The following PTH2R variants were observed in gnomAD, a reference collection of about 807,000 sequenced individuals.
The protein encoded by PTH2R is parathyroid hormone 2 receptor.
PTH2R carries 59 observed loss-of-function variants against 60.3 expected under a neutral mutation model. That is an observed-to-expected ratio of 0.98 (90% confidence interval 0.79 to 1.22). PTH2R has a LOEUF of 1.22. Ranked by LOEUF, PTH2R falls within the 50% of genes most tolerant of loss-of-function variation. PTH2R has a pLI of 0.00. For missense variants in PTH2R, 749 were observed against 682.6 expected (o/e 1.10, Z -1.08); for synonymous variants, 256 against 243.8 (o/e 1.05, Z -0.47).
At chr2:208,475,726 T>A (rs1702987006) in intron 9 of PTH2R, among the ~76,000 whole-genome samples, 1 of 152,152 alleles carries the variant, frequency 6.6e-6, no homozygotes, top group Non-Finnish European at 1.5e-5. Flanking sequence ...TATGGGGCAG[T>A]GGAGATTCTT....
In PTH2R at chr2:208,399,643, A is replaced by C. The variant is rs1004886016; in HGVS notation, c.-258-28558A>C. Among the ~76,000 whole-genome samples the C allele has an allele frequency of 6.6e-5, 10 of 152,260 alleles. No individual in the cohort carries two copies. The South Asian group carries it at 2.1e-3, about 32-fold the overall frequency. On this transcript the variant is annotated intron_variant, in intron 1 of 12. Coordinates refer to the PTH2R transcript ENST00000617735. ...AGTGCATCTGTGTGACTCCACTGGG[A>C]GAAGACCCCTGGAAGCTTGTTCCTG...
chr2:208,364,200 A>G (rs543532362), intron 1 of PTH2R, among the ~76,000 whole-genome samples: 17 of 152,278 alleles, frequency 1.1e-4, no homozygotes, highest in East Asian at 7.7e-4. Flanking sequence ...GTGTCCTTCA[A>G]TGAACAAAAG....
intron 7 of PTH2R, among the ~76,000 whole-genome samples, chr2:208,448,661 T>A (rs533654644): frequency 6.7e-6 from 1 of 149,040 alleles, no homozygotes; most frequent in East Asian, 1.9e-4. Context: ...AACTCAACTT[T>A]CAGTAAATGC....
intron 1 of PTH2R, among the ~76,000 whole-genome samples, chr2:208,411,753 T>C (rs540123021): frequency 6.6e-6 from 1 of 152,338 alleles, no homozygotes; most frequent in African/African-American, 2.4e-5. Flanking sequence ...CGTGTGACTT[T>C]AGTCGTTAAT....
At chr2:208,411,398 C>T (rs1036604738) in intron 1 of PTH2R, among the ~76,000 whole-genome samples, 2 of 152,192 alleles carry the variant, frequency 1.3e-5, no homozygotes, top group Non-Finnish European at 2.9e-5. Context: ...CATTTGTCTT[C>T]TAGTTATAAG....
At chr2:208,468,629 G>T (rs929212114) in intron 9 of PTH2R, among the ~76,000 whole-genome samples, 1 of 152,124 alleles carries the variant, frequency 6.6e-6, no homozygotes, top group East Asian at 1.9e-4. Context: ...TTAGAAGGTT[G>T]GAATGTGCTT....
At chr2:208,408,506 A>G (rs1022822156) in intron 1 of PTH2R, among the ~76,000 whole-genome samples, 1 of 151,780 alleles carries the variant, frequency 6.6e-6, no homozygotes, top group Non-Finnish European at 1.5e-5. Flanking sequence ...TTTGTAAGGA[A>G]ATGGGGAGGT....
intron 9 of PTH2R, 22 bp from the exon 10 acceptor site, chr2:208,481,048 G>A: frequency 6.8e-7 from 1 of 1,472,312 alleles, no homozygotes; most frequent in Admixed American, 1.8e-5. Flanking sequence ...ATAATTCTTT[G>A]TAATCTTACC....
intron 2 of PTH2R, among the ~76,000 whole-genome samples, chr2:208,430,672 G>A (rs983150095): frequency 2.0e-5 from 3 of 151,376 alleles, no homozygotes; most frequent in Non-Finnish European, 2.9e-5. Context: ...TCAGCCTTCC[G>A]AGTAGCTGGG....
intron 8 of PTH2R, among the ~76,000 whole-genome samples, chr2:208,455,851 T>C (rs974386330): frequency 6.6e-6 from 1 of 152,230 alleles, no homozygotes; most frequent in East Asian, 1.9e-4. Context: ...GCATCTTGGC[T>C]ATTTGGAGAT....
At chr2:208,440,655 A>G (rs764735208) in intron 4 of PTH2R, among the ~76,000 whole-genome samples, 46 of 152,202 alleles carry the variant, frequency 3.0e-4, no homozygotes, top group Non-Finnish European at 2.1e-4. Context: ...ACCACAGTAG[A>G]AGGGGAGAAA....
At chr2:208,460,737 A>G (rs1285004645) in intron 9 of PTH2R, among the ~76,000 whole-genome samples, 1 of 152,188 alleles carries the variant, frequency 6.6e-6, no homozygotes, top group Non-Finnish European at 1.5e-5. Context: ...TGAAGAAATT[A>G]CACCACCTTG....
chr2:208,444,967 C>T, intron 7 of PTH2R, 80 bp downstream of exon 7: 3 of 1,393,730 alleles, frequency 2.2e-6, no homozygotes, highest in South Asian at 1.5e-5. Flanking sequence ...ATTAGCATCC[C>T]TACAGCCATT....
At chr2:208,431,882 C>T (rs1172245442) in intron 2 of PTH2R, among the ~76,000 whole-genome samples, 1 of 152,162 alleles carries the variant, frequency 6.6e-6, no homozygotes, top group Non-Finnish European at 1.5e-5. Context: ...TTCTGGCCTA[C>T]AATTTATTCC....
In PTH2R at chr2:208,433,079, G is replaced by A. The variant is rs74898011; in HGVS notation, c.179-4458G>A. 9.3e-3 allele frequency among the ~76,000 whole-genome samples: 1,414 copies of A among 152,230 alleles called. 25 individuals carry two copies. Among genetic ancestry groups the A allele is most frequent in the African/African-American group, 0.033 (1,363 of 41,524 alleles). On this transcript the variant is annotated intron_variant, in intron 2 of 12. Coordinates refer to ENST00000272847, the MANE Select transcript of PTH2R (RefSeq NM_005048.4). The stretch of plus-strand genomic sequence containing the variant: ...CATTTCAAAAGAGGAAATAGGATGG[G>A]TCAAGATAAGCAAGTGTGCACCAGT...
intron 1 of PTH2R, among the ~76,000 whole-genome samples, chr2:208,395,557 C>T (rs987578669): frequency 5.3e-5 from 8 of 152,124 alleles, no homozygotes; most frequent in African/African-American, 1.9e-4. Context: ...CCTGATCTTG[C>T]CTAACAGGAT....
chr2:208,393,929 G>A (rs1463353692), intron 1 of PTH2R, among the ~76,000 whole-genome samples: 1 of 152,162 alleles, frequency 6.6e-6, no homozygotes. Context: ...ATGATTGGAA[G>A]GGGACTGGAA....
chr2:208,490,443 C>G (rs1226619880), intron 11 of PTH2R, among the ~76,000 whole-genome samples, 196 bp from the exon 12 acceptor site: 1 of 152,112 alleles, frequency 6.6e-6, no homozygotes, highest in East Asian at 1.9e-4. Flanking sequence ...TTTGGTTCAG[C>G]TGACACCAAG....
At chr2:208,391,648 T>C (rs1441711302) in intron 1 of PTH2R, among the ~76,000 whole-genome samples, 1 of 152,190 alleles carries the variant, frequency 6.6e-6, no homozygotes, top group Non-Finnish European at 1.5e-5. Context: ...TTTCACCATA[T>C]CCAGGTATCC....
Sources: gnomAD v4.1 joint callset for allele counts (sites outside exome capture counted in the v4.1 genomes callset) on GRCh38, gnomAD v4.1.1 for gene constraint, MANE v1.5 for transcripts, NCBI Gene and HGNC (gene_info 2026-07-23, HGNC 2026-07-21) for gene names.